The following CPA6 variants were observed in gnomAD, a reference collection of about 807,000 sequenced individuals.
The protein encoded by CPA6 is carboxypeptidase B.
A neutral mutation model predicts 63.3 loss-of-function variants in CPA6; 58 were observed. The observed-to-expected ratio is 0.92, with a 90% CI of 0.74 to 1.14. The LOEUF (loss-of-function observed/expected upper bound fraction) is 1.14. Among genes scored for constraint, CPA6 ranks in the 50% most tolerant of loss-of-function variants. The pLI is 0.00. For missense variants in CPA6, 565 were observed against 526.6 expected (o/e 1.07, Z -0.71); for synonymous variants, 185 against 179.0 (o/e 1.03, Z -0.27).
chr8:67,632,178 G>A (rs1248973573), intron 1 of CPA6, among the ~76,000 whole-genome samples: 1 of 140,036 alleles, frequency 7.1e-6, no homozygotes, highest in Non-Finnish European at 1.6e-5. Context: ...GTGTGTGTGT[G>A]TGTGTTTTCT....
intron 2 of CPA6, among the ~76,000 whole-genome samples, chr8:67,536,890 T>C (rs1292038105): frequency 6.6e-6 from 1 of 152,188 alleles, no homozygotes; most frequent in African/African-American, 2.4e-5. Context: ...GTTTATTGAG[T>C]GTTTTTAGCA....
chr8:67,656,937 G>T (rs1227071201), intron 1 of CPA6, among the ~76,000 whole-genome samples: 1 of 152,152 alleles, frequency 6.6e-6, no homozygotes, highest in Non-Finnish European at 1.5e-5. Flanking sequence ...TCACTTGGGG[G>T]AGCTGAGGCA....
intron 2 of CPA6, among the ~76,000 whole-genome samples, chr8:67,611,333 C>T (rs930384855): frequency 2.4e-4 from 36 of 152,178 alleles, no homozygotes; most frequent in African/African-American, 8.4e-4. Flanking sequence ...ATCTGCCTGC[C>T]TCAGCCTCCC....
intron 1 of CPA6, among the ~76,000 whole-genome samples, chr8:67,650,470 C>G (rs1815810894): frequency 6.6e-6 from 1 of 152,114 alleles, no homozygotes; most frequent in Non-Finnish European, 1.5e-5. Context: ...CATCCATACA[C>G]CCCACTGTCA....
At chr8:67,427,965 T>C in intron 10 of CPA6, 82 bp downstream of exon 10, 1 of 906,838 alleles carries the variant, frequency 1.1e-6, no homozygotes, top group Non-Finnish European at 1.7e-6. Context: ...AGAACACACT[T>C]TCTCCCTTCT....
chr8:67,516,027 T>A (rs1587511810), intron 3 of CPA6, among the ~76,000 whole-genome samples: 1 of 152,206 alleles, frequency 6.6e-6, no homozygotes, highest in Non-Finnish European at 1.5e-5. Context: ...GGATGAATAC[T>A]TGAACTATTA....
rs75855038 is a variant in CPA6 at position 67,608,215 on chromosome 8, C to T, written c.192+15961G>A. 8.7e-3 allele frequency among the ~76,000 whole-genome samples: 1,319 copies of T among 152,304 alleles called. 6 individuals carry two copies. The highest frequency in any genetic ancestry group is 0.014 in the Non-Finnish European group (967 of 68,016). ...GGCTCTACCCTCAAGCCTGGACCCA[C>T]GGCCCTAAATGAGAACAGGCATTCC... On this transcript the variant is annotated intron_variant, in intron 2 of 10. Transcript: ENST00000297770.
rs1186693687 is a variant in CPA6, at chr8:67,538,709, G to C, written c.193-20662C>G. Among the ~76,000 whole-genome samples the C allele has an allele frequency of 3.3e-5, 5 of 152,028 alleles. No homozygotes were observed. The East Asian group carries it at 9.7e-4, about 29-fold the overall frequency. On this transcript the variant is annotated intron_variant, in intron 2 of 10. Coordinates refer to ENST00000297770, the MANE Select transcript of CPA6 (RefSeq NM_020361.5). ...GAGTCTTGCTCTGTTGCCGAGGCTG[G>C]AGTGCAGTGGTGTGATCTCGGCTCA...
At chr8:67,449,117 C>T (rs1474278933) in intron 8 of CPA6, among the ~76,000 whole-genome samples, 3 of 151,990 alleles carry the variant, frequency 2.0e-5, no homozygotes, top group East Asian at 3.9e-4. Context: ...CCAGGTGTGG[C>T]GGTGCATGCT....
chr8:67,668,373 T>G (rs1316023750), intron 1 of CPA6, among the ~76,000 whole-genome samples: 1 of 152,248 alleles, frequency 6.6e-6, no homozygotes, highest in Non-Finnish European at 1.5e-5. Flanking sequence ...GCTCATCTGT[T>G]GTCCGTTAGT....
intron 2 of CPA6, among the ~76,000 whole-genome samples, chr8:67,530,990 A>G (rs372234217): frequency 2.9e-3 from 449 of 152,332 alleles, no homozygotes; most frequent in African/African-American, 0.01. Flanking sequence ...TCAAGCCACT[A>G]TACGTGAAAG....
intron 6 of CPA6, among the ~76,000 whole-genome samples, chr8:67,494,942 T>A (rs1811677573): frequency 6.6e-6 from 1 of 152,182 alleles, no homozygotes; most frequent in South Asian, 2.1e-4. Context: ...GCTTGCTTGA[T>A]CTTTCACCTC....
Position 67,651,005 on chromosome 8 carries a change from T to C in CPA6, c.117-26754A>G, listed in dbSNP as rs73683155. ...TTTAAGAATAATCAGTGAGGGGATG[T>C]TAATAGTAGCAGTCTAAAATTAGCC... On this transcript the variant is annotated intron_variant, in intron 1 of 10. Coordinates refer to ENST00000297770, the MANE Select transcript of CPA6 (RefSeq NM_020361.5). Among the ~76,000 whole-genome samples, 710 of 152,276 alleles carry C rather than the reference T, an allele frequency of 4.7e-3. 6 individuals are homozygous for C. Among genetic ancestry groups the C allele is most frequent in the African/African-American group, 0.016 (670 of 41,556 alleles).
At chr8:67,443,034 T>G (rs549404587) in intron 8 of CPA6, among the ~76,000 whole-genome samples, 3 of 151,756 alleles carry the variant, frequency 2.0e-5, no homozygotes, top group African/African-American at 7.3e-5. Context: ...GTTTCTGACC[T>G]GCATCATGGC....
rs369881781 is a variant in CPA6 at position 67,717,420 on chromosome 8, C to T, written c.116+28594G>A. 6.6e-5 allele frequency among the ~76,000 whole-genome samples: 10 copies of T among 152,256 alleles called. No homozygotes were observed. In the East Asian group the frequency reaches 9.6e-4, roughly 15 times the overall value. Reference sequence around the variant, plus strand: ...TCTGCTTTAATCCTTATTGTTTTATCCCCAAATACAGACATATCAATCACA... The same window carrying T: ...TCTGCTTTAATCCTTATTGTTTTATTCCCAAATACAGACATATCAATCACA... On this transcript the variant is annotated intron_variant, in intron 1 of 10. Coordinates refer to ENST00000297770, the MANE Select transcript of CPA6 (RefSeq NM_020361.5).
intron 8 of CPA6, among the ~76,000 whole-genome samples, chr8:67,459,901 G>T (rs923677569): frequency 6.6e-6 from 1 of 152,162 alleles, no homozygotes; most frequent in Admixed American, 6.5e-5. Context: ...GGGGGCTGTT[G>T]ACAATGCGGG....
intron 2 of CPA6, among the ~76,000 whole-genome samples, chr8:67,609,858 C>T (rs2128984857): frequency 6.6e-6 from 1 of 152,136 alleles, no homozygotes; most frequent in Non-Finnish European, 1.5e-5. Context: ...CCCTTCTTTA[C>T]TAAAAATACA....
At chr8:67,515,194 C>T (rs1241901287) in intron 3 of CPA6, among the ~76,000 whole-genome samples, 4 of 152,188 alleles carry the variant, frequency 2.6e-5, no homozygotes, top group Non-Finnish European at 4.4e-5. Context: ...GTCACTTACA[C>T]GCATGCCTTT....
intron 8 of CPA6, among the ~76,000 whole-genome samples, chr8:67,438,454 C>A (rs1810213033): frequency 6.6e-6 from 1 of 152,194 alleles, no homozygotes; most frequent in South Asian, 2.1e-4. Context: ...AATTTTGAAT[C>A]TAGGCTTCTA....
Sources: gnomAD v4.1 joint callset for allele counts (sites outside exome capture counted in the v4.1 genomes callset) on GRCh38, gnomAD v4.1.1 for gene constraint, MANE v1.5 for transcripts, NCBI Gene and HGNC (gene_info 2026-07-23, HGNC 2026-07-21) for gene names.